The following COL7A1 variants were observed in gnomAD, a reference collection of about 807,000 sequenced individuals.
The protein encoded by COL7A1 is collagen alpha-1(VII) chain.
COL7A1 carries 296 observed loss-of-function variants against 456.2 expected under a neutral mutation model. The ratio of observed to expected loss-of-function variants is 0.65; its 90% CI spans 0.59 to 0.71. The LOEUF (loss-of-function observed/expected upper bound fraction) is 0.71. COL7A1 is among the 30% of genes least tolerant of loss of function. The pLI is 0.00. For missense variants in COL7A1, 3,441 were observed against 4,017.2 expected (o/e 0.86, Z 3.88); for synonymous variants, 1,464 against 1,525.9 (o/e 0.96, Z 0.95).
chr3:48,595,235 C>T, intron 1 of COL7A1, 33 bp downstream of exon 1: 1 of 1,257,804 alleles, frequency 8.0e-7, no homozygotes, highest in Non-Finnish European at 1.1e-6. Context: ...AGGTCCGAGC[C>T]CAGCGCCCCT....
chr3:48,570,506 G>A lies in COL7A1; in HGVS notation c.7345-6C>T. ...CCAGAGGCCCCAGGTGGTCCCTGTA[G>A]GTCAGAGTGAGGTGAGGGTCCTGTG... On this transcript the variant is annotated splice_polypyrimidine_tract_variant and splice_region_variant and intron_variant, in intron 96 of 118. Coordinates refer to ENST00000681320, the MANE Select transcript of COL7A1 (RefSeq NM_000094.4). The surrounding 1 kb of genome is among the most constrained non-coding windows in gnomAD (Gnocchi z 5.5). 1 of 1,614,026 alleles carries A rather than the reference G, an allele frequency of 6.2e-7. No individual in the cohort carries two copies. Among genetic ancestry groups the A allele is most frequent in the Non-Finnish European group, 8.5e-7 (1 of 1,179,960 alleles).
Position 48,585,685 on chromosome 3 carries a change from C to T in COL7A1, c.3831+5G>A, listed in dbSNP as rs1455979199. On this transcript the variant is annotated splice_donor_5th_base_variant and intron_variant, in intron 31 of 118. Transcript: ENST00000681320. The surrounding 1 kb of genome is among the most constrained non-coding windows in gnomAD (Gnocchi z 4.5). ...GGTGCAGGGACAGATGTGGGGGACACTCACCGGGAGGCCAGGGTCGCCAGG... is the reference window on the plus strand; with the variant it reads ...GGTGCAGGGACAGATGTGGGGGACATTCACCGGGAGGCCAGGGTCGCCAGG... 4 of 1,613,944 alleles carry T rather than the reference C, an allele frequency of 2.5e-6. No homozygotes were observed. The highest frequency in any genetic ancestry group is 1.3e-5 in the African/African-American group (1 of 74,932).
In COL7A1 at chr3:48,595,104, G is replaced by T; in HGVS notation, c.56C>A (p.Pro19His). The T allele has an allele frequency of 6.4e-7, 1 of 1,553,806 alleles. No individual in the cohort carries two copies. Among genetic ancestry groups the T allele is most frequent in the Non-Finnish European group, 8.7e-7 (1 of 1,148,948 alleles). The change falls in exon 2 of 119, where the codon CCC becomes CAC. Residue 19 changes from proline (P) to histidine (H), a missense_variant. This residue lies in a region of COL7A1 where 913 missense variants were observed against 1,088.2 expected (regional missense o/e 0.84). Coordinates refer to ENST00000681320, the MANE Select transcript of COL7A1 (RefSeq NM_000094.4). Reference sequence around the variant, plus strand: ...CTCCCTGTGCTGGGCTCGCACTCGGGGCGCCTCTGCCAGGATCCCGGCGCA... The same window carrying T: ...CTCCCTGTGCTGGGCTCGCACTCGGTGCGCCTCTGCCAGGATCCCGGCGCA... ...ALCAGILAEAPRVRAQHRERV... is the reference protein window; with the variant it reads ...ALCAGILAEAHRVRAQHRERV...
rs1384098261 is a variant in COL7A1 at position 48,579,279 on chromosome 3, T to A, written c.5308-2A>T. 1 of 1,614,042 alleles carries A rather than the reference T, an allele frequency of 6.2e-7. No homozygotes were observed. Among genetic ancestry groups the A allele is most frequent in the Admixed American group, 1.7e-5 (1 of 60,022 alleles). ...CAGCCCAGGGGGACCCCGGTCACCC[T>A]GTGGAAAATAGAGTGGTAAGAGGCC... On this transcript the variant is annotated splice_acceptor_variant, in intron 61 of 118. Coordinates refer to ENST00000681320, the MANE Select transcript of COL7A1 (RefSeq NM_000094.4). LOFTEE classifies it high-confidence loss of function. This position sits in a 1 kb window ranked among gnomAD's most constrained non-coding sequence, Gnocchi z 4.4.
rs142720855 is a variant in COL7A1 at position 48,587,046 on chromosome 3, G to A, written c.3202C>T (p.Arg1068Cys). Residue 1068 changes from arginine (R) to cysteine (C), a missense_variant, in exon 25 of 119, where the codon CGT becomes TGT. Arg to Cys is a radical substitution (Grantham distance 180, BLOSUM62 -3). Transcript: ENST00000681320. This position sits in a 1 kb window ranked among gnomAD's most constrained non-coding sequence, Gnocchi z 6.1. The stretch of plus-strand genomic sequence containing the variant: ...AGGACCCTCCTCGTAGCCTCCGCAC[G>A]GTGAGCATTGTCTTGAGTGGCATGT... Reference protein sequence around the residue: ...LPHATQDNAHRAEATRRVLER... With the variant: ...LPHATQDNAHCAEATRRVLER... 6.0e-5 allele frequency: 97 copies of A among 1,608,828 alleles called. No individual in the cohort carries two copies. The highest frequency in any genetic ancestry group is 4.1e-4 in the African/African-American group (31 of 74,918).
At position 48,589,447 on chromosome 3, in the gene COL7A1, A is replaced by T. The variant is rs1191137737; in HGVS notation, c.2194T>A (p.Ser732Thr). ...AHGPEKSQLV[S>T]GEATVAELDG... is the part of the protein sequence containing the mutation. ...AGCTCAGCCACCGTGGCCTCCCCAG[A>T]AACCAACTGGGATTTCTCTGGGCCT... Residue 732 changes from serine to threonine, a missense_variant, in exon 18 of 119, where the codon TCT becomes ACT. Ser to Thr is a moderately conservative substitution (Grantham distance 58, BLOSUM62 1). Coordinates refer to ENST00000681320, the MANE Select transcript of COL7A1 (RefSeq NM_000094.4). The T allele has an allele frequency of 4.3e-6, 7 of 1,613,612 alleles. 1 individual carries two copies. The African/African-American group carries it at 9.3e-5, about 22-fold the overall frequency.
At position 48,575,283 on chromosome 3, in the gene COL7A1, G is replaced by GGGGCC. The variant is rs2107673277; in HGVS notation, c.6181-42_6181-41insGGCCC. 6.2e-7 allele frequency: 1 copy of GGGGCC among 1,604,694 alleles called. No homozygotes were observed. Among genetic ancestry groups the GGGGCC allele is most frequent in the Non-Finnish European group, 8.5e-7 (1 of 1,171,972 alleles). On this transcript the variant is annotated intron_variant, in intron 74 of 118. Coordinates refer to ENST00000681320, the MANE Select transcript of COL7A1 (RefSeq NM_000094.4). This position sits in a 1 kb window ranked among gnomAD's most constrained non-coding sequence, Gnocchi z 6.3. ...CGGGTGAGGGCCAAGCCCATGGGGG[G>GGGGCC]TCCCACCCCTCCCAACCCCTCTTCC...
At position 48,594,575 on chromosome 3, in the gene COL7A1, C is replaced by T. The variant is rs1480321531; in HGVS notation, c.86-27G>A. The T allele has an allele frequency of 1.9e-6, 3 of 1,555,606 alleles. No homozygotes were observed. In the African/African-American group the frequency reaches 4.1e-5, roughly 21 times the overall value. On this transcript the variant is annotated intron_variant, in intron 2 of 118. Coordinates refer to ENST00000681320, the MANE Select transcript of COL7A1 (RefSeq NM_000094.4). The surrounding 1 kb of genome is among the most constrained non-coding windows in gnomAD (Gnocchi z 5.5). ...TGGGGCGGGCAGGAGAGATCAGGGCCTCTTCTGGGAGGCCAACCACCCGCC... is the reference window on the plus strand; with the variant it reads ...TGGGGCGGGCAGGAGAGATCAGGGCTTCTTCTGGGAGGCCAACCACCCGCC...
rs2045169900 is a variant in COL7A1 at position 48,585,421 on chromosome 3, T to G, written c.3894+136A>C. 1 of 1,053,376 alleles carries G rather than the reference T, an allele frequency of 9.5e-7. No homozygotes were observed. The highest frequency in any genetic ancestry group is 1.6e-5 in the African/African-American group (1 of 63,942). The allele number at this position is 1,053,376 out of a possible 1,614,324, so 65.3% of individuals were successfully genotyped here. On this transcript the variant is annotated intron_variant, in intron 32 of 118. Coordinates refer to ENST00000681320, the MANE Select transcript of COL7A1 (RefSeq NM_000094.4). The surrounding 1 kb of genome is among the most constrained non-coding windows in gnomAD (Gnocchi z 4.5). ...TTCAGAGTGTCCCCCAAAGTCTCTG[T>G]GGTGGTTTATAACCTCCAGCTGGGC...
Position 48,584,415 on chromosome 3 carries a change from C to T in COL7A1, c.4120-40G>A, listed in dbSNP as rs763456872. 1.4e-5 allele frequency: 23 copies of T among 1,613,374 alleles called. No individual in the cohort carries two copies. In the Admixed American group the frequency reaches 3.7e-4, roughly 26 times the overall value. ...AAAGTATAAGGTGCAACCCCACAGA[C>T]CTCACTCTCGCCCCCCTCGTGTTGG... On this transcript the variant is annotated intron_variant, in intron 36 of 118. Transcript: ENST00000681320.
Position 48,564,444 on chromosome 3 carries a change from C to CGGTCGTCAGCCA in COL7A1, c.8819-34_8819-23dup. 1 of 1,613,838 alleles carries CGGTCGTCAGCCA rather than the reference C, an allele frequency of 6.2e-7. No homozygotes were observed. The highest frequency in any genetic ancestry group is 2.2e-5 in the East Asian group (1 of 44,882). On this transcript the variant is annotated intron_variant, in intron 118 of 118. Coordinates refer to ENST00000681320, the MANE Select transcript of COL7A1 (RefSeq NM_000094.4). This position sits in a 1 kb window ranked among gnomAD's most constrained non-coding sequence, Gnocchi z 6.0. Reference sequence around the variant, plus strand: ...GTACCTGGTGAGGACAGGTTGGAAACGGTCGTCAGCCATCTGACCTTCCCC... The same window carrying CGGTCGTCAGCCA: ...GTACCTGGTGAGGACAGGTTGGAAACGGTCGTCAGCCAGGTCGTCAGCCATCTGACCTTCCCC...
In COL7A1 at chr3:48,564,665, C is replaced by T. The variant is rs1052234136; in HGVS notation, c.8818+118G>A. 13 of 1,239,262 alleles carry T rather than the reference C, an allele frequency of 1.0e-5. No individual in the cohort carries two copies. The highest frequency in any genetic ancestry group is 1.5e-5 in the African/African-American group (1 of 66,332). 76.8% of individuals were successfully genotyped at this position (1,239,262 alleles called of 1,614,324 possible). Reference sequence around the variant, plus strand: ...GGCGTCTGCCCCAGGTCCCCTACTGCGAGGGAGCGTCTCCTCCAGGACCCT... The same window carrying T: ...GGCGTCTGCCCCAGGTCCCCTACTGTGAGGGAGCGTCTCCTCCAGGACCCT... On this transcript the variant is annotated intron_variant, in intron 118 of 118. Coordinates refer to ENST00000681320, the MANE Select transcript of COL7A1 (RefSeq NM_000094.4). The surrounding 1 kb of genome is among the most constrained non-coding windows in gnomAD (Gnocchi z 6.0).
chr3:48,588,234 A>C lies in COL7A1; in HGVS notation c.2710+48T>G. ...TCGCCTACCTTGCGGAGTCTGCCAC[A>C]GCCCTGCCCCCAATGGTCCCTAACT... On this transcript the variant is annotated intron_variant, in intron 21 of 118. Coordinates refer to ENST00000681320, the MANE Select transcript of COL7A1 (RefSeq NM_000094.4). This position sits in a 1 kb window ranked among gnomAD's most constrained non-coding sequence, Gnocchi z 4.6. 2 of 1,612,592 alleles carry C rather than the reference A, an allele frequency of 1.2e-6. No homozygotes were observed. The highest frequency in any genetic ancestry group is 4.5e-5 in the East Asian group (2 of 44,864).
Position 48,592,503 on chromosome 3 carries a change from G to A in COL7A1, c.977-36C>T. ...GTCCCACCAGGGATTCATGGAGTCA[G>A]AAGTGGGAGGGGGTACTGGGGTCGG... On this transcript the variant is annotated intron_variant, in intron 8 of 118. Coordinates refer to ENST00000681320, the MANE Select transcript of COL7A1 (RefSeq NM_000094.4). This position sits in a 1 kb window ranked among gnomAD's most constrained non-coding sequence, Gnocchi z 7.6. 6.2e-7 allele frequency: 1 copy of A among 1,613,276 alleles called. No individual in the cohort carries two copies.
At chr3:48,576,205 G>T in intron 71 of COL7A1, 44 bp downstream of exon 71, 1 of 1,612,122 alleles carries the variant, frequency 6.2e-7, no homozygotes, top group South Asian at 1.1e-5. Flanking sequence ...GGCCCCAATG[G>T]GCATGCAAAA....
At position 48,579,209 on chromosome 3, in the gene COL7A1, G is replaced by A; in HGVS notation, c.5376C>T (p.Pro1792=). The A allele has an allele frequency of 6.2e-7, 1 of 1,613,546 alleles. No individual in the cohort carries two copies. Among genetic ancestry groups the A allele is most frequent in the Non-Finnish European group, 8.5e-7 (1 of 1,180,022 alleles). The change falls in exon 62 of 119, where the codon CCC becomes CCT. Residue 1792 remains proline (P), a synonymous_variant. Coordinates refer to ENST00000681320, the MANE Select transcript of COL7A1 (RefSeq NM_000094.4). The surrounding 1 kb of genome is among the most constrained non-coding windows in gnomAD (Gnocchi z 4.4). ...TACCAAGACTCACATTCGGCCCAGA[G>A]GGCCCAGCGGCTCCTGGTTTCCCAT... The part of the protein sequence containing the change: ...GLDGKPGAAG[P]SGPNGAAGKA...
Position 48,566,982 on chromosome 3 carries a change from A to C in COL7A1, c.8151T>G (p.Asn2717Lys). Residue 2717 changes from asparagine (N) to lysine (K), a missense_variant, in exon 111 of 119, where the codon AAT (asparagine) becomes AAG (lysine). This residue lies in a region of COL7A1 where 2,084 missense variants were observed against 2,501.3 expected (regional missense o/e 0.83). Transcript: ENST00000681320. This position sits in a 1 kb window ranked among gnomAD's most constrained non-coding sequence, Gnocchi z 5.9. ...GCCCTGGGGGACCAGCAGAGCCATC[A>C]TTTCCACTGGGGCCTGGGAAGCCCC... ...GIGGFPGPSG[N>K]DGSAGPPGPP... The C allele has an allele frequency of 6.2e-7, 1 of 1,611,720 alleles. No homozygotes were observed. The highest frequency in any genetic ancestry group is 1.7e-4 in the Middle Eastern group (1 of 6,056).
chr3:48,575,058 G>A lies in COL7A1; in HGVS notation c.6279+6C>T, dbSNP rs199924999. The A allele has an allele frequency of 4.5e-4, 719 of 1,611,468 alleles. 6 individuals are homozygous for A. Among genetic ancestry groups the A allele is most frequent in the Non-Finnish European group, 4.9e-5 (58 of 1,177,870 alleles). Reference sequence around the variant, plus strand: ...CACAGGACTAAGGCAGGGATGGGGTGATCACCTTGGGGCCAGGGGGTCCGG... The same window carrying A: ...CACAGGACTAAGGCAGGGATGGGGTAATCACCTTGGGGCCAGGGGGTCCGG... On this transcript the variant is annotated splice_donor_region_variant and intron_variant, in intron 76 of 118. Transcript: ENST00000681320. This position sits in a 1 kb window ranked among gnomAD's most constrained non-coding sequence, Gnocchi z 6.3.
rs780897658 is a variant in COL7A1, at chr3:48,575,618, C to T, written c.5979+8G>A. The T allele has an allele frequency of 7.4e-6, 12 of 1,613,160 alleles. No homozygotes were observed. Among genetic ancestry groups the T allele is most frequent in the Non-Finnish European group, 8.5e-6 (10 of 1,180,014 alleles). The stretch of plus-strand genomic sequence containing the variant: ...CGGGGCACAACCCACTGAGCCACTT[C>T]TGCTCACCTCCTTGCCTGGGGGGCC... On this transcript the variant is annotated splice_region_variant and intron_variant, in intron 73 of 118. Transcript: ENST00000681320. This position sits in a 1 kb window ranked among gnomAD's most constrained non-coding sequence, Gnocchi z 6.3.
Sources: gnomAD v4.1 joint callset for allele counts on GRCh38, gnomAD v4.1.1 for gene constraint, gnomAD v4.1.1 regional missense constraint, Gnocchi (gnomAD v3.1) non-coding constraint, MANE v1.5 for transcripts, NCBI Gene and HGNC (gene_info 2026-07-23, HGNC 2026-07-21) for gene names.